ZNF185: variants seen among roughly 807,000 people sequenced by gnomAD.
ZNF185 encodes zinc finger protein 185.
ZNF185 carries 56 observed loss-of-function variants against 58.6 expected under a neutral mutation model. The observed-to-expected ratio is 0.95, with a 90% CI of 0.77 to 1.19. The LOEUF (loss-of-function observed/expected upper bound fraction) is 1.19, where lower values mean the gene tolerates loss of function less well. Among genes scored for constraint, ZNF185 ranks in the 50% most tolerant of loss-of-function variants. The pLI is 0.00. For synonymous variants in ZNF185, 230 were observed against 215.9 expected (o/e 1.07, Z -0.57); for missense variants, 627 against 573.5 (o/e 1.09, Z -0.95).
chrX:152,944,108 C>T (rs1038299258), intron 15 of ZNF185, among the ~76,000 whole-genome samples: 2 of 113,183 alleles, frequency 1.8e-5, no homozygotes, highest in South Asian at 7.2e-4. Flanking sequence ...CTGCCTGGTG[C>T]AGCTGGAGGT....
chrX:152,920,376 C>T lies in ZNF185; in HGVS notation c.579C>T (p.His193=), dbSNP rs1939459502. ...TGAGGAGGACAGCTCCCCGGGAGCA[C>T]TCCTACGTCCTGTCAGCGGCCAAGA... The change falls in exon 8 of 23, where the codon CAC becomes CAT. Residue 193 remains histidine (H), a synonymous_variant. Transcript: ENST00000449285. 2.5e-6 allele frequency: 3 copies of T among 1,209,635 alleles called. No individual in the cohort carries two copies. The African/African-American group carries it at 5.2e-5, about 21-fold the overall frequency.
chrX:152,941,235 G>A (rs781784561), intron 15 of ZNF185, among the ~76,000 whole-genome samples: 35 of 111,553 alleles, frequency 3.1e-4, no homozygotes, highest in Non-Finnish European at 6.6e-4. Context: ...CTGACCCAGG[G>A]GCATCTCCCA....
chrX:152,950,787 C>G (rs1446757874), intron 16 of ZNF185, among the ~76,000 whole-genome samples: 1 of 111,648 alleles, frequency 9.0e-6, no homozygotes, highest in African/African-American at 3.3e-5. Context: ...CAGGAGTTCT[C>G]GAACATTTGA....
rs782308689 is a variant in ZNF185, at chrX:152,945,261, C to G, written c.1212-6C>G. 2.5e-6 allele frequency: 3 copies of G among 1,202,851 alleles called. No individual in the cohort carries two copies. Among genetic ancestry groups the G allele is most frequent in the Non-Finnish European group, 3.4e-6 (3 of 891,683 alleles). The stretch of plus-strand genomic sequence containing the variant: ...TTTTTTCATAAGGGTGCTTATTCTT[C>G]TTCAGGGCCTTGGCTGATTATGAGG... On this transcript the variant is annotated splice_polypyrimidine_tract_variant and splice_region_variant and intron_variant, in intron 15 of 22. Coordinates refer to ENST00000449285, the Ensembl canonical transcript of ZNF185.
intron 16 of ZNF185, 63 bp from the exon 19 acceptor site, chrX:152,959,636 G>A (rs1055769894): frequency 1.8e-6 from 2 of 1,120,924 alleles, no homozygotes; most frequent in Admixed American, 5.3e-5. Flanking sequence ...CAGCCTACCT[G>A]CCATGGGAGA....
chrX:152,965,091 C>T (rs1343906784), intron 18 of ZNF185, among the ~76,000 whole-genome samples: 1 of 111,549 alleles, frequency 9.0e-6, no homozygotes, highest in Non-Finnish European at 1.9e-5. Flanking sequence ...GGAAAGACGA[C>T]GCAGCCCTAA....
intron 3 of ZNF185, 99 bp downstream of exon 4, chrX:152,915,302 G>T (rs1246846936): frequency 1.1e-6 from 1 of 897,345 alleles, no homozygotes; most frequent in South Asian, 2.5e-5. Context: ...GTCCACAGGG[G>T]ACAGGGATGC....
intron 17 of ZNF185, among the ~76,000 whole-genome samples, chrX:152,963,541 C>A (rs1250394859): frequency 8.9e-6 from 1 of 111,805 alleles, no homozygotes; most frequent in African/African-American, 3.3e-5. Flanking sequence ...CCCCGGGAGC[C>A]CCATGATTCC....
the ZNF185 span, among the ~76,000 whole-genome samples, chrX:152,902,392 G>A: frequency 5.3e-5 from 6 of 113,185 alleles, no homozygotes; most frequent in African/African-American, 1.3e-4. Context: ...TTGATGTGGC[G>A]AAGAGTTGCT....
Position 152,959,812 on chromosome X carries a change from A to T in ZNF185, c.1523A>T (p.Gln508Leu), listed in dbSNP as rs192167214. The T allele has an allele frequency of 4.0e-5, 48 of 1,210,516 alleles. 1 individual carries two copies. The Admixed American group carries it at 7.4e-4, about 19-fold the overall frequency. ...GGAGACCCAGCTGTACCCACTCAGC[A>T]ACCTGCAGATCCCAGTACCCCAGAA... Residue 508 changes from glutamine to leucine, a missense_variant, in exon 17 of 23, where the codon CAA becomes CTA. Gln to Leu is a moderately radical substitution (Grantham distance 113, BLOSUM62 -2). Transcript: ENST00000449285.
At chrX:152,932,915 C>G in exon 14 of ZNF185, 1 of 1,206,336 alleles carries the variant, frequency 8.3e-7, no homozygotes, top group Non-Finnish European at 1.1e-6. Context: ...GATCCGGAGC[C>G]ACGGGCTCCC....
intron 11 of ZNF185, among the ~76,000 whole-genome samples, chrX:152,925,213 G>A (rs56292836): frequency 0.14 from 15,558 of 111,182 alleles, 992 homozygotes; most frequent in Non-Finnish European, 0.21. Flanking sequence ...GGCTGAGGTG[G>A]GAGGACTGCC....
At chrX:152,920,566 A>G in intron 8 of ZNF185, 141 bp from the exon 10 acceptor site, 4 of 967,617 alleles carry the variant, frequency 4.1e-6, no homozygotes, top group Non-Finnish European at 4.3e-6. Flanking sequence ...TTTCTAGAAA[A>G]TGGAGAGGTC....
At position 152,967,378 on chromosome X, in the gene ZNF185, G is replaced by A. The variant is rs151274385; in HGVS notation, c.1871+140G>A. The A allele has an allele frequency of 5.6e-3, 3,027 of 543,570 alleles. 64 individuals are homozygous for A. The African/African-American group carries it at 0.058, about 10-fold the overall frequency. 44.8% of individuals were successfully genotyped at this position (543,570 alleles called of 1,213,427 possible). ...TTGCAGAAAGGTGAAGGACACTACCGTAGGGTGGTGCTTCCCTTGTTGGGA... is the reference window on the plus strand; with the variant it reads ...TTGCAGAAAGGTGAAGGACACTACCATAGGGTGGTGCTTCCCTTGTTGGGA... On this transcript the variant is annotated intron_variant, in intron 20 of 22. Coordinates refer to ENST00000449285, the Ensembl canonical transcript of ZNF185.
chrX:152,915,069 T>C, intron 2 of ZNF185, 69 bp from the exon 4 acceptor site: 1 of 1,139,260 alleles, frequency 8.8e-7, no homozygotes, highest in Non-Finnish European at 1.2e-6. Flanking sequence ...GCCTCTAGGA[T>C]GGAGGCCACA....
the ZNF185 span, among the ~76,000 whole-genome samples, chrX:152,900,381 T>G: frequency 8.9e-6 from 1 of 112,578 alleles, no homozygotes; most frequent in South Asian, 3.7e-4. Flanking sequence ...TTGGTGCGGG[T>G]TTTGCTTCAA....
exon 18 of ZNF185, chrX:152,963,880 C>T: frequency 1.3e-5 from 16 of 1,211,775 alleles, no homozygotes; most frequent in Non-Finnish European, 1.8e-5. Context: ...GTTACTGTCA[C>T]TGCCACATCT....
At chrX:152,920,676 C>T in intron 8 of ZNF185, 31 bp from the exon 10 acceptor site, 4 of 1,211,699 alleles carry the variant, frequency 3.3e-6, no homozygotes, top group Non-Finnish European at 4.5e-6. Flanking sequence ...CGGGCTCTGC[C>T]CAAAGCATTG....
At chrX:152,938,029 C>T in intron 14 of ZNF185, 45 bp from the exon 17 acceptor site, 2 of 1,142,202 alleles carry the variant, frequency 1.8e-6, no homozygotes. Context: ...GGGCCCCAGC[C>T]TTCTTTGGTC....
Sources: gnomAD v4.1 joint callset for allele counts (sites outside exome capture counted in the v4.1 genomes callset) on GRCh38, gnomAD v4.1.1 for gene constraint, MANE v1.5 for transcripts, NCBI Gene and HGNC (gene_info 2026-07-23, HGNC 2026-07-21) for gene names.